PLEKHM3: variants seen among roughly 807,000 people sequenced by gnomAD.
PLEKHM3 encodes the protein pleckstrin homology domain-containing family M member 3.
Under a neutral mutation model 81.8 loss-of-function variants are expected in PLEKHM3, and 45 were observed. That is an observed-to-expected ratio of 0.55 (90% CI 0.43 to 0.71). The LOEUF is 0.71. Ranked by LOEUF, PLEKHM3 falls within the 30% of genes least tolerant of loss-of-function variation. The probability of loss-of-function intolerance (pLI) is 0.00; values close to 1 mark genes in which losing one functional copy is unlikely to be tolerated. For synonymous variants in PLEKHM3, 352 were observed against 356.4 expected (o/e 0.99, Z 0.14); for missense variants, 788 against 924.3 (o/e 0.85, Z 1.91).
At chr2:207,886,278 A>AT (rs1274247771) in intron 6 of PLEKHM3, among the ~76,000 whole-genome samples, 21 of 152,198 alleles carry the variant, frequency 1.4e-4, no homozygotes, top group Non-Finnish European at 2.4e-4. Flanking sequence ...TTGTAATATG[A>AT]GCCCAGGGGA....
Position 207,977,105 on chromosome 2 carries a change from T to A in PLEKHM3, c.1092A>T (p.Lys364Asn), listed in dbSNP as rs771668999. The A allele has an allele frequency of 6.2e-7, 1 of 1,614,130 alleles. No homozygotes were observed. The highest frequency in any genetic ancestry group is 8.5e-7 in the Non-Finnish European group (1 of 1,179,988). Residue 364 changes from lysine (K) to asparagine (N), a missense_variant, in exon 3 of 8, where the codon AAA becomes AAT. Transcript: ENST00000427836. Reference protein sequence around the residue: ...DSSKQYQNILKSGTLYRLTVQ... With the variant: ...DSSKQYQNILNSGTLYRLTVQ... ...CAGTCAGCCTGTAGAGAGTCCCTGA[T>A]TTGAGGATGTTTTGGTACTGTTTGG... is the stretch of plus-strand genomic sequence containing the variant.
At chr2:207,916,954 C>T (rs1186869165) in intron 5 of PLEKHM3, among the ~76,000 whole-genome samples, 1 of 152,148 alleles carries the variant, frequency 6.6e-6, no homozygotes, top group Non-Finnish European at 1.5e-5. Flanking sequence ...ACACTGCAGA[C>T]AGTCTGTAGC....
intron 6 of PLEKHM3, chr2:207,901,291 G>A (rs2105888366): frequency 1.4e-6 from 1 of 703,012 alleles, no homozygotes; most frequent in South Asian, 1.5e-5. Flanking sequence ...GGTTAGATTT[G>A]GCTGTAGTGC....
chr2:207,953,840 A>G (rs1690417856), intron 3 of PLEKHM3, among the ~76,000 whole-genome samples: 1 of 151,424 alleles, frequency 6.6e-6, no homozygotes, highest in Non-Finnish European at 1.5e-5. Flanking sequence ...AAAAAAAAAA[A>G]GAATAAAGTT....
rs1300680818 is a variant in PLEKHM3, at chr2:207,823,273, G to A, written c.*5046C>T. ...CACCAGCGGCCACTTTACGAAGACAGTGCCACAAAACATGATCATTTGGAA... is the reference window on the plus strand; with the variant it reads ...CACCAGCGGCCACTTTACGAAGACAATGCCACAAAACATGATCATTTGGAA... On this transcript the variant is annotated 3_prime_UTR_variant, in exon 8 of 8. Transcript: ENST00000427836. The A allele has an allele frequency of 1.3e-5, 2 of 151,848 alleles. 1 individual carries two copies. Among genetic ancestry groups the A allele is most frequent in the East Asian group, 3.9e-4 (2 of 5,182 alleles). The allele number at this position is 151,848 out of a possible 1,614,324, so 9.4% of individuals were successfully genotyped here.
intron 4 of PLEKHM3, 25 bp downstream of exon 4, chr2:207,946,342 A>T: frequency 6.2e-7 from 1 of 1,600,506 alleles, no homozygotes; most frequent in Non-Finnish European, 8.5e-7. Flanking sequence ...TATTATTATT[A>T]AGTGAACTGA....
intron 3 of PLEKHM3, among the ~76,000 whole-genome samples, chr2:207,972,741 C>A (rs1216104421): frequency 1.3e-5 from 2 of 152,134 alleles, no homozygotes. Context: ...CGTTATGTAT[C>A]AGCATATATT....
chr2:207,829,561 G>C lies in PLEKHM3; in HGVS notation c.2109-1065C>G, dbSNP rs377207721. Among the ~76,000 whole-genome samples, 87 of 152,312 alleles carry C rather than the reference G, an allele frequency of 5.7e-4. 1 individual carries two copies. The highest frequency in any genetic ancestry group is 2.0e-3 in the African/African-American group (85 of 41,560). ...CAAAGTGCTAGGATTACAGGTGTGAGCCACTGCATTTGGTCTGCAAAGCTT... is the reference window on the plus strand; with the variant it reads ...CAAAGTGCTAGGATTACAGGTGTGACCCACTGCATTTGGTCTGCAAAGCTT... On this transcript the variant is annotated intron_variant, in intron 7 of 7. Coordinates refer to ENST00000427836, the MANE Select transcript of PLEKHM3 (RefSeq NM_001080475.3).
At chr2:207,903,391 T>G (rs1347211468) in intron 6 of PLEKHM3, among the ~76,000 whole-genome samples, 2 of 152,018 alleles carry the variant, frequency 1.3e-5, no homozygotes, top group African/African-American at 4.8e-5. Flanking sequence ...GAGGGCCTAC[T>G]CTAACCAGCC....
chr2:207,892,031 G>A (rs1688075644), intron 6 of PLEKHM3, among the ~76,000 whole-genome samples: 2 of 152,144 alleles, frequency 1.3e-5, no homozygotes, highest in Admixed American at 6.5e-5. Context: ...ACCCTTCAAG[G>A]TGAGCCCTTC....
intron 2 of PLEKHM3, among the ~76,000 whole-genome samples, chr2:207,983,559 T>C (rs942412806): frequency 6.7e-6 from 1 of 150,110 alleles, no homozygotes; most frequent in Non-Finnish European, 1.5e-5. Context: ...AATTTCATAC[T>C]GAAACCACAA....
At chr2:207,960,595 C>G (rs1690694599) in intron 3 of PLEKHM3, among the ~76,000 whole-genome samples, 1 of 152,128 alleles carries the variant, frequency 6.6e-6, no homozygotes, top group Non-Finnish European at 1.5e-5. Context: ...ATTTATTAAC[C>G]CTGTAAAACT....
At chr2:207,946,858 G>T (rs1363668516) in intron 3 of PLEKHM3, among the ~76,000 whole-genome samples, 1 of 152,080 alleles carries the variant, frequency 6.6e-6, no homozygotes, top group Non-Finnish European at 1.5e-5. Flanking sequence ...TTTCCACCAG[G>T]CACTTTGCTG....
intron 5 of PLEKHM3, among the ~76,000 whole-genome samples, chr2:207,915,336 A>C (rs1020725140): frequency 2.6e-5 from 4 of 152,240 alleles, no homozygotes; most frequent in African/African-American, 9.6e-5. Flanking sequence ...AGTAGTCTTA[A>C]CAAAAAGGTA....
intron 3 of PLEKHM3, among the ~76,000 whole-genome samples, chr2:207,963,502 A>C (rs1362529458): frequency 6.6e-6 from 1 of 152,228 alleles, no homozygotes; most frequent in Non-Finnish European, 1.5e-5. Flanking sequence ...ATTTAGAAAA[A>C]GTCAGAATGA....
At chr2:207,982,942 C>T (rs1272240440) in intron 2 of PLEKHM3, among the ~76,000 whole-genome samples, 1 of 151,852 alleles carries the variant, frequency 6.6e-6, no homozygotes, top group African/African-American at 2.4e-5. Flanking sequence ...GTATATAATA[C>T]ATATAACATA....
At position 207,958,483 on chromosome 2, in the gene PLEKHM3, T is replaced by A. The variant is rs141360686; in HGVS notation, c.1547-11971A>T. 5.7e-3 allele frequency among the ~76,000 whole-genome samples: 867 copies of A among 152,322 alleles called. 8 individuals carry two copies. Among genetic ancestry groups the A allele is most frequent in the African/African-American group, 0.019 (797 of 41,576 alleles). ...ATCAGTTCTATTTTCAACATGGGGC[T>A]ACCAGGATTCTCTATATATTCTCCT... On this transcript the variant is annotated intron_variant, in intron 3 of 7. Coordinates refer to ENST00000427836, the MANE Select transcript of PLEKHM3 (RefSeq NM_001080475.3).
intron 5 of PLEKHM3, chr2:207,929,933 G>A: frequency 1.4e-6 from 1 of 695,656 alleles, no homozygotes; most frequent in Non-Finnish European, 2.6e-6. Context: ...GCATGCTGCT[G>A]GTCATTTCTA....
chr2:207,902,569 C>G (rs929331513), intron 6 of PLEKHM3, among the ~76,000 whole-genome samples: 1 of 152,158 alleles, frequency 6.6e-6, no homozygotes, highest in African/African-American at 2.4e-5. Flanking sequence ...GAAGAGTTAA[C>G]TGTTCAGGAT....
Sources: gnomAD v4.1 joint callset for allele counts (sites outside exome capture counted in the v4.1 genomes callset) on GRCh38, gnomAD v4.1.1 for gene constraint, MANE v1.5 for transcripts, NCBI Gene and HGNC (gene_info 2026-07-23, HGNC 2026-07-21) for gene names.